ZNF385D: variants seen among roughly 807,000 people sequenced by gnomAD.
ZNF385D encodes zinc finger protein 659.
ZNF385D carries 15 observed loss-of-function variants against 35.8 expected under a neutral mutation model. That is an observed-to-expected ratio of 0.42 (90% confidence interval 0.28 to 0.64). ZNF385D has a LOEUF of 0.64. Among genes scored for constraint, ZNF385D ranks in the 30% least tolerant of loss-of-function variants. The pLI, the probability that ZNF385D is intolerant of heterozygous loss-of-function variation, is 0.23. For missense variants in ZNF385D, 474 were observed against 494.6 expected (o/e 0.96, Z 0.39); for synonymous variants, 212 against 186.8 (o/e 1.13, Z -1.10).
chr3:21,494,904 A>G (rs1282345626), intron 4 of ZNF385D, among the ~76,000 whole-genome samples: 1 of 152,208 alleles, frequency 6.6e-6, no homozygotes, highest in African/African-American at 2.4e-5. Flanking sequence ...CTGGTTAACA[A>G]TATCTGTGTC....
At chr3:22,350,828 A>G (rs1695882674) in intron 2 of ZNF385D, among the ~76,000 whole-genome samples, 1 of 152,138 alleles carries the variant, frequency 6.6e-6, no homozygotes, top group African/African-American at 2.4e-5. Context: ...TTTTAAAGAT[A>G]CTGTTAATAA....
At chr3:22,196,638 T>G (rs1696433948) in intron 2 of ZNF385D, among the ~76,000 whole-genome samples, 2 of 152,074 alleles carry the variant, frequency 1.3e-5, no homozygotes, top group African/African-American at 2.4e-5. Context: ...ATTGCTAATT[T>G]TACCATATAT....
intron 3 of ZNF385D, among the ~76,000 whole-genome samples, chr3:21,879,945 G>A (rs908096685): frequency 1.3e-5 from 2 of 151,908 alleles, no homozygotes; most frequent in African/African-American, 4.8e-5. Flanking sequence ...ATCTCAAAAT[G>A]TTAAATCAGT....
intron 3 of ZNF385D, among the ~76,000 whole-genome samples, chr3:22,084,041 T>C (rs1267293133): frequency 1.3e-5 from 2 of 152,164 alleles, no homozygotes; most frequent in Non-Finnish European, 2.9e-5. Context: ...CTGAGAGATT[T>C]TGTCACCACC....
chr3:22,327,260 A>C (rs1399354457), intron 2 of ZNF385D, among the ~76,000 whole-genome samples: 1 of 152,230 alleles, frequency 6.6e-6, no homozygotes, highest in Non-Finnish European at 1.5e-5. Flanking sequence ...TGGATTCTGT[A>C]AATAAAACTT....
intron 2 of ZNF385D, among the ~76,000 whole-genome samples, chr3:22,366,567 G>A (rs949795680): frequency 5.3e-5 from 8 of 152,056 alleles, no homozygotes; most frequent in African/African-American, 1.9e-4. Context: ...TTTTACTAAT[G>A]TTGGGTCTGC....
intron 3 of ZNF385D, among the ~76,000 whole-genome samples, chr3:21,952,752 T>C (rs1424177065): frequency 2.0e-5 from 3 of 152,074 alleles, no homozygotes; most frequent in South Asian, 2.1e-4. Context: ...TTTTATACAA[T>C]AGTATAAAAA....
In ZNF385D at chr3:21,973,407, A is replaced by C. The variant is rs183658250; in HGVS notation, c.325+195410T>G. On this transcript the variant is annotated intron_variant, in intron 3 of 5. Coordinates refer to the ZNF385D transcript ENST00000494108. ...AAACTCTGAAAAACCTGGATATGAA[A>C]GGAACATACCTCAACATAATAAAAG... 2.4e-3 allele frequency among the ~76,000 whole-genome samples: 371 copies of C among 152,104 alleles called. 2 individuals carry two copies. Among genetic ancestry groups the C allele is most frequent in the Non-Finnish European group, 4.5e-3 (306 of 67,876 alleles).
chr3:21,836,129 GA>G (rs772545802), intron 3 of ZNF385D, among the ~76,000 whole-genome samples: 8 of 151,660 alleles, frequency 5.3e-5, no homozygotes, highest in East Asian at 3.9e-4. Flanking sequence ...AAATTTTGGG[GA>G]AAAAAAGTTA....
chr3:22,138,303 T>C (rs74671446), intron 3 of ZNF385D, among the ~76,000 whole-genome samples: 13,671 of 152,188 alleles, frequency 0.09, 768 homozygotes, highest in Middle Eastern at 0.16. Flanking sequence ...CTTCACAGAA[T>C]TGGAAAAAAC....
chr3:21,445,892 A>G (rs372122), intron 4 of ZNF385D, among the ~76,000 whole-genome samples: 98,033 of 151,848 alleles, frequency 0.65, 31,921 homozygotes, highest in African/African-American at 0.72. Flanking sequence ...TAATTTTTCA[A>G]ATAATATTTA....
intron 1 of ZNF385D, among the ~76,000 whole-genome samples, chr3:21,724,477 C>CAAAAAAAAAAAAAAAAAAAAAAAAAAA (rs200803155): frequency 5.8e-5 from 3 of 52,022 alleles, no homozygotes; most frequent in Middle Eastern, 0.014. Context: ...AATGGAAAGC[C>CAAAAAAAAAAAAAAAAAAAAAAAAAAA]AAAAAAAAAA....
chr3:22,011,603 T>A (rs1696578687), intron 3 of ZNF385D, among the ~76,000 whole-genome samples: 1 of 152,136 alleles, frequency 6.6e-6, no homozygotes, highest in African/African-American at 2.4e-5. Flanking sequence ...GAAGAAAATT[T>A]TGTAATCTAA....
At chr3:22,223,742 G>A (rs1470013789) in intron 2 of ZNF385D, among the ~76,000 whole-genome samples, 2 of 152,136 alleles carry the variant, frequency 1.3e-5, no homozygotes, top group South Asian at 2.1e-4. Flanking sequence ...AGAAAATAAG[G>A]TGAGTGGAAC....
At chr3:21,954,899 A>T (rs1702217395) in intron 3 of ZNF385D, among the ~76,000 whole-genome samples, 1 of 152,132 alleles carries the variant, frequency 6.6e-6, no homozygotes, top group Non-Finnish European at 1.5e-5. Flanking sequence ...GGAATGTAGC[A>T]CAATCTAATG....
intron 2 of ZNF385D, among the ~76,000 whole-genome samples, chr3:22,210,327 A>C (rs1697438755): frequency 6.6e-6 from 1 of 151,958 alleles, no homozygotes; most frequent in Non-Finnish European, 1.5e-5. Context: ...AAAAATAATA[A>C]AATTTGAATG....
At chr3:22,209,599 T>C (rs906125833) in intron 2 of ZNF385D, among the ~76,000 whole-genome samples, 1 of 151,910 alleles carries the variant, frequency 6.6e-6, no homozygotes. Flanking sequence ...TATTGCATTT[T>C]TCCAAGACTA....
chr3:22,002,776 T>A (rs978764726), intron 3 of ZNF385D, among the ~76,000 whole-genome samples: 8 of 152,180 alleles, frequency 5.3e-5, no homozygotes, highest in African/African-American at 1.9e-4. Flanking sequence ...GTTGCAAGAT[T>A]TGTTCAACAT....
intron 1 of ZNF385D, among the ~76,000 whole-genome samples, chr3:21,741,398 T>A (rs1300294281): frequency 2.0e-5 from 3 of 152,294 alleles, no homozygotes; most frequent in African/African-American, 7.2e-5. Context: ...ATCCTAAGAA[T>A]GCCCACAGAC....
Sources: gnomAD v4.1 joint callset for allele counts (sites outside exome capture counted in the v4.1 genomes callset) on GRCh38, gnomAD v4.1.1 for gene constraint, MANE v1.5 for transcripts, NCBI Gene and HGNC (gene_info 2026-07-23, HGNC 2026-07-21) for gene names.